Variants in HELB observed in about 807,000 individuals in gnomAD.
HELB encodes the protein DNA 5'-3' helicase B.
In HELB, 96 loss-of-function variants were observed where a neutral mutation model predicts 101.7. The ratio of observed to expected loss-of-function variants is 0.94; its 90% CI spans 0.80 to 1.12. HELB has a LOEUF of 1.12. HELB is among the 50% of genes most tolerant of loss of function. The pLI, the probability that HELB is intolerant of heterozygous loss-of-function variation, is 0.00. For missense variants in HELB, 1,210 were observed against 1,291.9 expected (o/e 0.94, Z 0.97); for synonymous variants, 437 against 459.7 (o/e 0.95, Z 0.63).
chr12:66,338,004 G>A lies in HELB; in HGVS notation c.3166G>A (p.Gly1056Arg), dbSNP rs1215567219. The A allele has an allele frequency of 1.9e-6, 3 of 1,559,142 alleles. No individual in the cohort carries two copies. The Admixed American group carries it at 5.1e-5, about 27-fold the overall frequency. Residue 1056 changes from glycine (G) to arginine (R), a missense_variant, in exon 13 of 13, where the codon GGA becomes AGA. Around this residue, in one of 2 missense-constraint regions of HELB, gnomAD observed 740 missense variants for 728.8 expected, o/e 1.02. Coordinates refer to ENST00000247815, the MANE Select transcript of HELB (RefSeq NM_001370285.1). Reference protein sequence around the residue: ...DESPSKIFMVGESPQVSSRLQ... With the variant: ...DESPSKIFMVRESPQVSSRLQ... The stretch of plus-strand genomic sequence containing the variant: ...GTTATTTTAATTGTTCTAACAGGTG[G>A]GAGAATCTCCACAAGTGTCTTCCAG...
In HELB at chr12:66,337,396, A is replaced by G. The variant is rs528529689; in HGVS notation, c.3163-605A>G. 2.0e-5 allele frequency among the ~76,000 whole-genome samples: 3 copies of G among 152,300 alleles called. No individual in the cohort carries two copies. In the South Asian group the frequency reaches 6.2e-4, roughly 32 times the overall value. On this transcript the variant is annotated intron_variant, in intron 12 of 12. Transcript: ENST00000247815. ...AAGGCTTTTGACATGAGCAGAAAAG[A>G]GAGGCAATTCCAAAGAAAGACCCTT...
At chr12:66,307,802 G>A (rs2053494751) in intron 3 of HELB, among the ~76,000 whole-genome samples, 1 of 147,096 alleles carries the variant, frequency 6.8e-6, no homozygotes, top group Admixed American at 6.8e-5. Flanking sequence ...TGTGAGCTCT[G>A]CTCACTGCAG....
intron 11 of HELB, among the ~76,000 whole-genome samples, chr12:66,326,200 C>T (rs1565642666): frequency 6.6e-6 from 1 of 151,772 alleles, no homozygotes; most frequent in Non-Finnish European, 1.5e-5. Context: ...TTTTGAGCTT[C>T]CTTCTCTGCT....
At position 66,306,501 on chromosome 12, in the gene HELB, T is replaced by A; in HGVS notation, c.764T>A (p.Leu255His). ...ATTTTAGGTACACATCCGTGGAAAC[T>A]TGGATTTAGTAAAGTAAGTAAAACA... ...EEILGTHPWK[L>H]GFSKITYREW... is the part of the protein sequence containing the mutation. Residue 255 changes from leucine (L) to histidine (H), a missense_variant, in exon 3 of 13, where the codon CTT becomes CAT. Physicochemically the swap from Leu to His is moderately conservative, Grantham distance 99. Coordinates refer to ENST00000247815, the MANE Select transcript of HELB (RefSeq NM_001370285.1). 1 of 1,575,580 alleles carries A rather than the reference T, an allele frequency of 6.3e-7. No individual in the cohort carries two copies. Among genetic ancestry groups the A allele is most frequent in the Non-Finnish European group, 8.6e-7 (1 of 1,162,876 alleles).
At chr12:66,315,421 G>A (rs1167058586) in intron 6 of HELB, 38 bp downstream of exon 6, 3 of 1,417,068 alleles carry the variant, frequency 2.1e-6, no homozygotes, top group African/African-American at 2.9e-5. Flanking sequence ...TCTGTCTGTT[G>A]TATTAGAAAT....
intron 3 of HELB, 32 bp downstream of exon 3, chr12:66,306,546 T>C (rs1286181992): frequency 6.8e-7 from 1 of 1,461,496 alleles, no homozygotes; most frequent in Non-Finnish European, 9.1e-7. Flanking sequence ...CATATAGTAA[T>C]CTTGTGTAAG....
At position 66,309,797 on chromosome 12, in the gene HELB, T is replaced by G. The variant is rs2053518501; in HGVS notation, c.869T>G (p.Leu290Trp). 9 of 1,614,004 alleles carry G rather than the reference T, an allele frequency of 5.6e-6. No homozygotes were observed. The highest frequency in any genetic ancestry group is 7.6e-6 in the Non-Finnish European group (9 of 1,179,970). The change falls in exon 4 of 13, where the codon TTG (leucine) becomes TGG (tryptophan). Residue 290 changes from leucine to tryptophan, a missense_variant. Leu to Trp is a moderately conservative substitution (Grantham distance 61). Coordinates refer to ENST00000247815, the MANE Select transcript of HELB (RefSeq NM_001370285.1). ...TCTCTTCTCCAGCTGATGACTGATT[T>G]GGAGAAGAATGCATTAATAATGTAT... The part of the protein sequence containing the change: ...CESLLQLMTD[L>W]EKNALIMYSR...
chr12:66,312,271 A>G (rs1473444115), intron 4 of HELB, among the ~76,000 whole-genome samples: 1 of 152,160 alleles, frequency 6.6e-6, no homozygotes, highest in Non-Finnish European at 1.5e-5. Flanking sequence ...TGTTCTTTCC[A>G]TGGTGTCATT....
At chr12:66,326,104 G>A (rs1406405352) in intron 11 of HELB, among the ~76,000 whole-genome samples, 2 of 152,156 alleles carry the variant, frequency 1.3e-5, no homozygotes, top group Admixed American at 6.5e-5. Context: ...ACAGCATATT[G>A]AGTTTAGTGC....
intron 2 of HELB, among the ~76,000 whole-genome samples, chr12:66,305,689 G>A (rs1476053375): frequency 6.6e-6 from 1 of 151,614 alleles, no homozygotes; most frequent in African/African-American, 2.4e-5. Context: ...AGGCTGCAGT[G>A]AGCCATGATT....
chr12:66,330,655 TTA>T (rs776082587), intron 11 of HELB, among the ~76,000 whole-genome samples: 9 of 148,220 alleles, frequency 6.1e-5, no homozygotes, highest in Non-Finnish European at 1.2e-4. Context: ...TGTGTATATA[TTA>T]TATATATAAG....
chr12:66,341,505 C>T (rs2053918085), downstream of HELB: 1 of 152,200 alleles, frequency 6.6e-6, no homozygotes, highest in South Asian at 2.1e-4. Context: ...ATCTAGTTGA[C>T]ACCTAATATT....
chr12:66,330,554 T>G (rs1048459193), intron 11 of HELB, among the ~76,000 whole-genome samples: 2 of 149,648 alleles, frequency 1.3e-5, no homozygotes, highest in East Asian at 1.9e-4. Flanking sequence ...TGTGTATCTA[T>G]CTATCTGTCT....
intron 7 of HELB, 114 bp downstream of exon 7, chr12:66,318,906 G>A: frequency 5.3e-6 from 4 of 760,386 alleles, no homozygotes; most frequent in Non-Finnish European, 8.2e-6. Context: ...AATATTGCTA[G>A]CAAAAAAAGA....
At chr12:66,310,722 G>A in intron 4 of HELB, 114 bp downstream of exon 4, 1 of 900,842 alleles carries the variant, frequency 1.1e-6, no homozygotes, top group South Asian at 1.6e-5. Context: ...CACAAGGTCA[G>A]GAGATGGAGA....
In HELB at chr12:66,306,518, A is replaced by G; in HGVS notation, c.777+4A>G. ...GTGGAAACTTGGATTTAGTAAAGTAAGTAAAACATTTGCTCAGCATATAGT... is the reference window on the plus strand; with the variant it reads ...GTGGAAACTTGGATTTAGTAAAGTAGGTAAAACATTTGCTCAGCATATAGT... On this transcript the variant is annotated splice_donor_region_variant and intron_variant, in intron 3 of 12. Transcript: ENST00000247815. 6.4e-7 allele frequency: 1 copy of G among 1,568,716 alleles called. No individual in the cohort carries two copies. The highest frequency in any genetic ancestry group is 1.2e-5 in the South Asian group (1 of 82,194).
chr12:66,317,981 T>TA (rs1490725817), intron 6 of HELB, among the ~76,000 whole-genome samples: 1 of 152,216 alleles, frequency 6.6e-6, no homozygotes, highest in Non-Finnish European at 1.5e-5. Context: ...TGTTTTCTGA[T>TA]ATGATTTGCT....
chr12:66,318,733 T>G lies in HELB; in HGVS notation c.2096T>G (p.Phe699Cys). ...PISIQDKTFI[F>C]VRLPEEDASS... ...TCAATTCAAGATAAGACATTTATTT[T>G]TGTCAGGCTCCCAGAAGAGGATGCC... Residue 699 changes from phenylalanine (F) to cysteine (C), a missense_variant, in exon 7 of 13, where the codon TTT (phenylalanine) becomes TGT (cysteine). Coordinates refer to ENST00000247815, the MANE Select transcript of HELB (RefSeq NM_001370285.1). 6.2e-7 allele frequency: 1 copy of G among 1,611,638 alleles called. No individual in the cohort carries two copies. The highest frequency in any genetic ancestry group is 8.5e-7 in the Non-Finnish European group (1 of 1,179,208).
At chr12:66,308,850 G>A (rs1055387614) in intron 3 of HELB, among the ~76,000 whole-genome samples, 2 of 152,084 alleles carry the variant, frequency 1.3e-5, no homozygotes, top group African/African-American at 4.8e-5. Flanking sequence ...GGATATTGGG[G>A]GTTAGGACAT....
Sources: allele counts gnomAD v4.1 joint callset (sites outside exome capture counted in the v4.1 genomes callset), GRCh38; gene constraint gnomAD v4.1.1; regional missense constraint gnomAD v4.1.1; transcripts MANE v1.5; gene names NCBI Gene and HGNC (gene_info 2026-07-23, HGNC 2026-07-21).